WDPCP: variants seen among roughly 807,000 people sequenced by gnomAD.
The protein encoded by WDPCP is WD repeat-containing and planar cell polarity effector protein fritz homolog.
In WDPCP, 71 loss-of-function variants were observed where a neutral mutation model predicts 93.1. The ratio of observed to expected loss-of-function variants is 0.76; its 90% CI spans 0.63 to 0.93. The LOEUF (loss-of-function observed/expected upper bound fraction) is 0.93, where lower values mean the gene tolerates loss of function less well. Ranked by LOEUF, WDPCP falls within the 40% of genes least tolerant of loss-of-function variation. The probability of loss-of-function intolerance (pLI) is 0.00; values close to 1 mark genes in which losing one functional copy is unlikely to be tolerated. For synonymous variants in WDPCP, 315 were observed against 315.0 expected (o/e 1.00, Z 0.00); for missense variants, 844 against 887.4 (o/e 0.95, Z 0.62).
At chr2:63,623,404 A>G (rs1006040909) in intron 3 of WDPCP, among the ~76,000 whole-genome samples, 1 of 152,182 alleles carries the variant, frequency 6.6e-6, no homozygotes, top group Non-Finnish European at 1.5e-5. Context: ...GGATAGAGTC[A>G]AGACCTGTCA....
At chr2:63,168,931 T>C (rs907795551) in intron 15 of WDPCP, 1 of 152,274 alleles carries the variant, frequency 6.6e-6, no homozygotes, top group African/African-American at 2.4e-5. Context: ...TCTTTTCTAA[T>C]GCCTTTAGTC....
intron 3 of WDPCP, among the ~76,000 whole-genome samples, chr2:63,628,980 T>C (rs1709838714): frequency 6.6e-6 from 1 of 152,082 alleles, no homozygotes; most frequent in Non-Finnish European, 1.5e-5. Flanking sequence ...AAACAAAAAG[T>C]TTCACAGGGC....
At chr2:63,151,707 A>G (rs749770950) in intron 17 of WDPCP, among the ~76,000 whole-genome samples, 1 of 152,212 alleles carries the variant, frequency 6.6e-6, no homozygotes, top group South Asian at 2.1e-4. Context: ...TTTATTTTCA[A>G]TGCAGGTATG....
chr2:63,182,050 G>A lies in WDPCP; in HGVS notation c.1916-7218C>T, dbSNP rs569338195. ...AACTTTACTGAACTTATGAAATCTG[G>A]GAGTCTTTGGGATTTTCTAGGTATA... On this transcript the variant is annotated intron_variant, in intron 14 of 17. Coordinates refer to ENST00000272321, the MANE Select transcript of WDPCP (RefSeq NM_015910.7). Among the ~76,000 whole-genome samples the A allele has an allele frequency of 2.0e-3, 302 of 151,602 alleles. 2 individuals carry two copies. Among genetic ancestry groups the A allele is most frequent in the Admixed American group, 3.9e-3 (59 of 15,222 alleles).
At chr2:63,676,246 T>C (rs1478119755) in intron 2 of WDPCP, among the ~76,000 whole-genome samples, 1 of 152,228 alleles carries the variant, frequency 6.6e-6, no homozygotes, top group African/African-American at 2.4e-5. Context: ...GCATTTCGTC[T>C]CCATTTCTTT....
intron 2 of WDPCP, among the ~76,000 whole-genome samples, chr2:63,700,305 A>AAAAAG: frequency 1.1e-5 from 1 of 92,016 alleles, no homozygotes; most frequent in South Asian, 3.1e-4. Context: ...AAAAAAAAAC[A>AAAAAG]AAAAGAAAAA....
intron 9 of WDPCP, among the ~76,000 whole-genome samples, chr2:63,405,581 G>GTC (rs1553379162): frequency 2.3e-4 from 32 of 136,286 alleles, no homozygotes; most frequent in African/African-American, 8.1e-4. Flanking sequence ...GTGTGTGTGT[G>GTC]TGTGTTGGCG....
chr2:63,739,590 G>A (rs540348746), intron 2 of WDPCP, among the ~76,000 whole-genome samples: 1 of 152,118 alleles, frequency 6.6e-6, no homozygotes, highest in South Asian at 2.1e-4. Context: ...TTAGCTCTTT[G>A]AGGAATCACC....
intron 14 of WDPCP, among the ~76,000 whole-genome samples, chr2:63,195,997 G>A (rs1392961475): frequency 6.6e-6 from 1 of 152,182 alleles, no homozygotes. Flanking sequence ...AGGTTTTTGA[G>A]TATCTGCTTA....
At chr2:63,404,726 C>A in intron 9 of WDPCP, 69 bp from the exon 10 acceptor site, 1 of 1,575,436 alleles carries the variant, frequency 6.3e-7, no homozygotes, top group Non-Finnish European at 8.7e-7. Context: ...CCTAGGACTG[C>A]ATATTTATTC....
At chr2:63,557,189 C>T (rs1374865634) in intron 1 of WDPCP, among the ~76,000 whole-genome samples, 2 of 152,028 alleles carry the variant, frequency 1.3e-5, no homozygotes, top group Admixed American at 6.6e-5. Flanking sequence ...GGACTAAATG[C>T]CCCCAATTAA....
intron 2 of WDPCP, among the ~76,000 whole-genome samples, chr2:63,789,640 C>T (rs1338856168): frequency 2.0e-5 from 3 of 152,154 alleles, no homozygotes; most frequent in Admixed American, 1.3e-4. Flanking sequence ...AAGACTGTCA[C>T]GTTGTTTTAC....
intron 12 of WDPCP, among the ~76,000 whole-genome samples, chr2:63,357,405 A>G (rs889889291): frequency 3.3e-5 from 5 of 152,200 alleles, no homozygotes; most frequent in African/African-American, 1.2e-4. Context: ...TCTATAAGGA[A>G]CTTAAATTTA....
intron 2 of WDPCP, among the ~76,000 whole-genome samples, chr2:63,699,209 T>G (rs1669009560): frequency 6.6e-6 from 1 of 152,162 alleles, no homozygotes; most frequent in African/African-American, 2.4e-5. Context: ...GTTGTAGGTC[T>G]CTCTCTGGCT....
At chr2:63,401,420 G>T (rs987139416) in intron 10 of WDPCP, among the ~76,000 whole-genome samples, 76 of 152,278 alleles carry the variant, frequency 5.0e-4, no homozygotes, top group Non-Finnish European at 9.7e-4. Context: ...GATCATTAGA[G>T]AAATGCAAAT....
At chr2:63,397,886 A>T (rs760999888) in intron 10 of WDPCP, among the ~76,000 whole-genome samples, 1 of 152,174 alleles carries the variant, frequency 6.6e-6, no homozygotes, top group Non-Finnish European at 1.5e-5. Flanking sequence ...TGAATATTAG[A>T]TCAGCAACAG....
chr2:63,416,427 T>C (rs1695426184), intron 9 of WDPCP, among the ~76,000 whole-genome samples: 1 of 152,198 alleles, frequency 6.6e-6, no homozygotes, highest in Non-Finnish European at 1.5e-5. Context: ...CTCGAACTCT[T>C]GACCTCAAGT....
chr2:63,753,698 G>A (rs111617249), intron 2 of WDPCP, among the ~76,000 whole-genome samples: 4 of 152,184 alleles, frequency 2.6e-5, no homozygotes, highest in African/African-American at 9.6e-5. Context: ...TAACACCAAG[G>A]GGGATGGTGT....
chr2:63,644,840 T>C (rs1456520047), intron 3 of WDPCP, among the ~76,000 whole-genome samples: 1 of 152,180 alleles, frequency 6.6e-6, no homozygotes, highest in African/African-American at 2.4e-5. Context: ...GTTTCTGCAG[T>C]ATCAGCTGTA....
Sources: allele counts gnomAD v4.1 joint callset (sites outside exome capture counted in the v4.1 genomes callset), GRCh38; gene constraint gnomAD v4.1.1; transcripts MANE v1.5; gene names NCBI Gene and HGNC (gene_info 2026-07-23, HGNC 2026-07-21).